ADAMTS19: variants seen among roughly 807,000 people sequenced by gnomAD.
ADAMTS19 encodes the protein A disintegrin and metalloproteinase with thrombospondin motifs 19.
Under a neutral mutation model 153.3 loss-of-function variants are expected in ADAMTS19, and 93 were observed. The observed-to-expected ratio is 0.61, with a 90% CI of 0.51 to 0.72. The LOEUF (loss-of-function observed/expected upper bound fraction) is 0.72, where lower values mean the gene tolerates loss of function less well. ADAMTS19 is among the 30% of genes least tolerant of loss of function. ADAMTS19 has a pLI of 0.00. For synonymous variants in ADAMTS19, 600 were observed against 556.6 expected (o/e 1.08, Z -1.10); for missense variants, 1,482 against 1,552.1 (o/e 0.95, Z 0.76).
chr5:129,482,136 A>G (rs1453046038), intron 2 of ADAMTS19, among the ~76,000 whole-genome samples: 2 of 152,174 alleles, frequency 1.3e-5, no homozygotes, highest in Non-Finnish European at 2.9e-5. Context: ...GTGTTTGAAA[A>G]TACAATATAT....
At chr5:129,538,488 C>A (rs189619961) in intron 6 of ADAMTS19, among the ~76,000 whole-genome samples, 1 of 152,088 alleles carries the variant, frequency 6.6e-6, no homozygotes, top group East Asian at 1.9e-4. Flanking sequence ...GTGTTAAAAA[C>A]CTTAAAACTA....
At chr5:129,708,614 A>AAG (rs1756284193) in intron 21 of ADAMTS19, among the ~76,000 whole-genome samples, 1 of 145,422 alleles carries the variant, frequency 6.9e-6, no homozygotes, top group African/African-American at 2.6e-5. Context: ...AAAAAAAAAA[A>AAG]GAGTACTATT....
chr5:129,708,273 A>G (rs1204745991), intron 21 of ADAMTS19, among the ~76,000 whole-genome samples: 2 of 152,208 alleles, frequency 1.3e-5, no homozygotes, highest in Non-Finnish European at 2.9e-5. Flanking sequence ...AATAGGACAC[A>G]TACAATGTGG....
chr5:129,530,779 A>G (rs1225137670), intron 6 of ADAMTS19, among the ~76,000 whole-genome samples: 1 of 151,984 alleles, frequency 6.6e-6, no homozygotes, highest in Non-Finnish European at 1.5e-5. Context: ...CTTCTATCCA[A>G]TATCGTACTG....
intron 7 of ADAMTS19, among the ~76,000 whole-genome samples, chr5:129,557,888 A>T (rs1009532353): frequency 2.6e-5 from 4 of 151,302 alleles, no homozygotes; most frequent in African/African-American, 9.7e-5. Context: ...TTTTTTTTTT[A>T]AATAACCAAG....
At chr5:129,535,859 A>G (rs1389248073) in intron 6 of ADAMTS19, among the ~76,000 whole-genome samples, 1 of 152,200 alleles carries the variant, frequency 6.6e-6, no homozygotes, top group African/African-American at 2.4e-5. Context: ...GGCTAGCCAT[A>G]TGTAGAAAGC....
intron 9 of ADAMTS19, 106 bp from the exon 10 acceptor site, chr5:129,622,092 G>A: frequency 9.3e-7 from 1 of 1,075,018 alleles, no homozygotes; most frequent in African/African-American, 1.6e-5. Flanking sequence ...GAAGAGCTTA[G>A]AGATATATTT....
chr5:129,721,626 G>T (rs537154732), intron 21 of ADAMTS19, among the ~76,000 whole-genome samples: 3 of 151,812 alleles, frequency 2.0e-5, no homozygotes, highest in African/African-American at 7.3e-5. Flanking sequence ...TCCAGGATAC[G>T]TGTGCAGAAC....
At chr5:129,529,257 T>G (rs1314510675) in intron 6 of ADAMTS19, among the ~76,000 whole-genome samples, 2 of 152,182 alleles carry the variant, frequency 1.3e-5, no homozygotes, top group African/African-American at 4.8e-5. Flanking sequence ...TAATTTGTCT[T>G]GCTTAAAGCT....
At chr5:129,656,298 T>G (rs1048559130) in intron 14 of ADAMTS19, among the ~76,000 whole-genome samples, 1 of 152,248 alleles carries the variant, frequency 6.6e-6, no homozygotes, top group African/African-American at 2.4e-5. Context: ...TTAATTAAAA[T>G]GCTTCATTTA....
Position 129,468,378 on chromosome 5 carries a change from G to A in ADAMTS19, c.747+6621G>A, listed in dbSNP as rs768111767. 1.1e-4 allele frequency among the ~76,000 whole-genome samples: 17 copies of A among 152,050 alleles called. No individual in the cohort carries two copies. In the South Asian group the frequency reaches 1.3e-3, roughly 11 times the overall value. ...TTATTATTATTATTATTTTTGAGAC[G>A]GAGTCTCACTCTTTTGCCAGGCTGG... is the stretch of plus-strand genomic sequence containing the variant. On this transcript the variant is annotated intron_variant, in intron 2 of 22. Coordinates refer to ENST00000274487, the MANE Select transcript of ADAMTS19 (RefSeq NM_133638.6).
intron 3 of ADAMTS19, among the ~76,000 whole-genome samples, chr5:129,521,175 G>GTTAAAACTAT (rs1388791503): frequency 6.6e-6 from 1 of 152,008 alleles, no homozygotes; most frequent in Non-Finnish European, 1.5e-5. Flanking sequence ...TCAAAAAATA[G>GTTAAAACTAT]TTTTAATATG....
chr5:129,500,829 G>T (rs1179596568), intron 2 of ADAMTS19, among the ~76,000 whole-genome samples: 1 of 151,838 alleles, frequency 6.6e-6, no homozygotes, highest in African/African-American at 2.4e-5. Context: ...TAAAGAGTTG[G>T]ATGAAAAAAT....
intron 2 of ADAMTS19, among the ~76,000 whole-genome samples, chr5:129,487,576 T>C (rs1296929405): frequency 6.6e-6 from 1 of 152,070 alleles, no homozygotes; most frequent in African/African-American, 2.4e-5. Flanking sequence ...AGAGTTCTAT[T>C]TGTGGATCAT....
intron 2 of ADAMTS19, among the ~76,000 whole-genome samples, chr5:129,504,805 C>A: frequency 6.6e-6 from 1 of 151,640 alleles, no homozygotes; most frequent in South Asian, 2.1e-4. Flanking sequence ...TCACATTCAT[C>A]CATGTTGTCA....
chr5:129,609,130 T>G (rs898407558), intron 8 of ADAMTS19, among the ~76,000 whole-genome samples: 2 of 152,192 alleles, frequency 1.3e-5, no homozygotes, highest in Non-Finnish European at 2.9e-5. Context: ...GTCACAGATA[T>G]CTTCCTCTGA....
rs149099076 is a variant in ADAMTS19, at chr5:129,663,190, G to A, written c.2426-2309G>A. On this transcript the variant is annotated intron_variant, in intron 15 of 22. Transcript: ENST00000274487. The stretch of plus-strand genomic sequence containing the variant: ...ATTATAGGCGTTAGCCACCACGCCC[G>A]GCCCCATTCCTTTATCTTTTTTCCC... 7.0e-4 allele frequency among the ~76,000 whole-genome samples: 106 copies of A among 152,152 alleles called. 1 individual carries two copies. The highest frequency in any genetic ancestry group is 2.5e-3 in the African/African-American group (105 of 41,530).
intron 6 of ADAMTS19, among the ~76,000 whole-genome samples, chr5:129,542,608 C>T (rs1442048110): frequency 2.0e-5 from 3 of 152,022 alleles, no homozygotes; most frequent in Non-Finnish European, 2.9e-5. Context: ...TGCTGCTTAC[C>T]ATGGGAAAAG....
intron 18 of ADAMTS19, among the ~76,000 whole-genome samples, chr5:129,693,787 G>A (rs2127146652): frequency 6.6e-6 from 1 of 152,218 alleles, no homozygotes; most frequent in East Asian, 1.9e-4. Context: ...TTTTATCATA[G>A]TAGAGAAAGT....
Sources: gnomAD v4.1 joint callset for allele counts (sites outside exome capture counted in the v4.1 genomes callset) on GRCh38, gnomAD v4.1.1 for gene constraint, MANE v1.5 for transcripts, NCBI Gene and HGNC (gene_info 2026-07-23, HGNC 2026-07-21) for gene names.